DNAH7: variants seen among roughly 807,000 people sequenced by gnomAD.
DNAH7 encodes the protein axonemal beta dynein heavy chain 7.
DNAH7 carries 397 observed loss-of-function variants against 444.6 expected under a neutral mutation model. The observed-to-expected ratio is 0.89, with a 90% CI of 0.82 to 0.97. DNAH7 has a LOEUF of 0.97. Ranked by LOEUF, DNAH7 falls within the 50% of genes least tolerant of loss-of-function variation. The pLI, the probability that DNAH7 is intolerant of heterozygous loss-of-function variation, is 0.00. For missense variants in DNAH7, 4,902 were observed against 4,800.8 expected (o/e 1.02, Z -0.62); for synonymous variants, 1,636 against 1,624.4 (o/e 1.01, Z -0.17).
intron 17 of DNAH7, among the ~76,000 whole-genome samples, chr2:195,968,352 CCCTTCAAGG>C (rs1304785235): frequency 6.6e-6 from 1 of 152,032 alleles, no homozygotes; most frequent in African/African-American, 2.4e-5. Flanking sequence ...TTGTGTCCTT[CCCTTCAAGG>C]CCTTCAAGGC....
At chr2:195,918,466 G>A (rs1687821375) in intron 24 of DNAH7, among the ~76,000 whole-genome samples, 1 of 152,178 alleles carries the variant, frequency 6.6e-6, no homozygotes, top group East Asian at 1.9e-4. Flanking sequence ...CCAAAAACCT[G>A]CACAAGAATA....
At chr2:196,010,375 G>A (rs532218429) in intron 10 of DNAH7, among the ~76,000 whole-genome samples, 2 of 152,014 alleles carry the variant, frequency 1.3e-5, no homozygotes, top group Non-Finnish European at 2.9e-5. Flanking sequence ...TCAAACTCCT[G>A]ACCTCAAGTG....
Position 195,858,728 on chromosome 2 carries a change from T to C in DNAH7, c.7813A>G (p.Met2605Val), listed in dbSNP as rs750917202. The C allele has an allele frequency of 6.8e-6, 11 of 1,614,016 alleles. No homozygotes were observed. The highest frequency in any genetic ancestry group is 2.2e-5 in the South Asian group (2 of 91,068). The stretch of plus-strand genomic sequence containing the variant: ...TGTAGTGCCTCCAACTCCATCTGCA[T>C]TGTGGCTACTTGAGATGAAGCAGAA... ...LDSASSQVAT[M>V]QMELEALHPQ... The change falls in exon 43 of 65, where the codon ATG (methionine) becomes GTG (valine). Residue 2605 changes from methionine (M) to valine (V), a missense_variant. By Grantham distance (21) the Met-to-Val change is conservative. Transcript: ENST00000312428.
chr2:195,821,386 G>A (rs574740212), intron 49 of DNAH7, among the ~76,000 whole-genome samples: 40 of 152,132 alleles, frequency 2.6e-4, no homozygotes, highest in Non-Finnish European at 5.0e-4. Flanking sequence ...TTCCTGGTGG[G>A]CAGGTCTTTG....
chr2:196,054,766 T>G (rs1452567220), intron 2 of DNAH7, among the ~76,000 whole-genome samples: 1 of 152,122 alleles, frequency 6.6e-6, no homozygotes, highest in Non-Finnish European at 1.5e-5. Flanking sequence ...ATGCTAGTCT[T>G]GTGATAGTGA....
chr2:196,011,250 T>C (rs751819091), intron 10 of DNAH7, among the ~76,000 whole-genome samples: 21 of 152,132 alleles, frequency 1.4e-4, no homozygotes, highest in Non-Finnish European at 2.6e-4. Flanking sequence ...TATGAATGCA[T>C]CAAAATATTC....
At chr2:195,906,410 A>AAC (rs150739355) in intron 27 of DNAH7, among the ~76,000 whole-genome samples, 2,324 of 139,824 alleles carry the variant, frequency 0.017, 23 homozygotes, top group Non-Finnish European at 0.021. Flanking sequence ...TACACACAGA[A>AAC]ACACACACAC....
In DNAH7 at chr2:195,875,840, C is replaced by A; in HGVS notation, c.6121G>T (p.Val2041Phe). The change falls in exon 38 of 65, where the codon GTC becomes TTC. Residue 2041 changes from valine to phenylalanine, a missense_variant. Val to Phe is a conservative substitution (Grantham distance 50). Coordinates refer to ENST00000312428, the MANE Select transcript of DNAH7 (RefSeq NM_018897.3). ...FGPPLGKRMV[V>F]FVDDVNMPAR... ...GGCATATTGACATCATCTACAAAGA[C>A]AACCTGAGAATGAGAAGAGAAGAGG... is the stretch of plus-strand genomic sequence containing the variant. 2 of 1,599,442 alleles carry A rather than the reference C, an allele frequency of 1.3e-6. No homozygotes were observed. Among genetic ancestry groups the A allele is most frequent in the East Asian group, 4.5e-5 (2 of 44,810 alleles).
In DNAH7 at chr2:195,957,671, T is replaced by C. The variant is rs933523857; in HGVS notation, c.2892-224A>G. ...TATACATTATATACAATCTTGTATA[T>C]AATGTATATAATATTCCAATTTCCA... On this transcript the variant is annotated intron_variant, in intron 18 of 64. Transcript: ENST00000312428. Among the ~76,000 whole-genome samples, 4 of 151,948 alleles carry C rather than the reference T, an allele frequency of 2.6e-5. No homozygotes were observed. The East Asian group carries it at 7.7e-4, about 29-fold the overall frequency.
At chr2:195,746,174 CA>C (rs1332449559) in intron 63 of DNAH7, among the ~76,000 whole-genome samples, 1 of 151,224 alleles carries the variant, frequency 6.6e-6, no homozygotes. Context: ...AAATGGAAAA[CA>C]AAAAAAGGCA....
chr2:195,907,030 A>C, intron 25 of DNAH7, 21 bp from the exon 26 acceptor site: 1 of 1,591,072 alleles, frequency 6.3e-7, no homozygotes, highest in Non-Finnish European at 8.6e-7. Flanking sequence ...AGAGTAATGA[A>C]AATTTTTGAC....
At chr2:196,031,963 A>C (rs1232673234) in intron 5 of DNAH7, among the ~76,000 whole-genome samples, 6 of 152,176 alleles carry the variant, frequency 3.9e-5, no homozygotes, top group Admixed American at 3.3e-4. Flanking sequence ...ACACCCCACT[A>C]TACTGGTACC....
At position 195,747,785 on chromosome 2, in the gene DNAH7, AC is replaced by A. The variant is rs575143152; in HGVS notation, c.11764+6551del. 3.5e-3 allele frequency among the ~76,000 whole-genome samples: 537 copies of A among 152,190 alleles called. 1 individual carries two copies. Among genetic ancestry groups the A allele is most frequent in the Non-Finnish European group, 5.7e-3 (389 of 67,980 alleles). ...AAAAGGCCTTTGACAAAATTCAACAACCCTTCATGCTAAAAACTCTCAATAA... is the reference window on the plus strand; with the variant it reads ...AAAAGGCCTTTGACAAAATTCAACAACCTTCATGCTAAAAACTCTCAATAA... On this transcript the variant is annotated intron_variant, in intron 63 of 64. Coordinates refer to ENST00000312428, the MANE Select transcript of DNAH7 (RefSeq NM_018897.3).
At chr2:196,050,966 G>A (rs551719269) in intron 3 of DNAH7, among the ~76,000 whole-genome samples, 5 of 152,160 alleles carry the variant, frequency 3.3e-5, no homozygotes, top group African/African-American at 4.8e-5. Context: ...TTGGCAAGTC[G>A]TTCATTCAGA....
chr2:195,900,378 C>T lies in DNAH7; in HGVS notation c.4452G>A (p.Thr1484=), dbSNP rs564616488. The T allele has an allele frequency of 1.4e-5, 22 of 1,613,980 alleles. No individual in the cohort carries two copies. The Admixed American group carries it at 2.3e-4, about 17-fold the overall frequency. ...ACAGCTGCTCTGAACACAAGCGATA[C>T]GTAGCCACAATTTTTACAGACAGTG... ...ARPLSVKIVA[T]YRLCSEQLSS... Residue 1484 remains threonine (T), a synonymous_variant, in exon 28 of 65, where the codon ACG becomes ACA. Coordinates refer to ENST00000312428, the MANE Select transcript of DNAH7 (RefSeq NM_018897.3).
At position 195,831,770 on chromosome 2, in the gene DNAH7, C is replaced by T. The variant is rs1194093416; in HGVS notation, c.9100+2436G>A. Among the ~76,000 whole-genome samples, 5 of 152,202 alleles carry T rather than the reference C, an allele frequency of 3.3e-5. No homozygotes were observed. The East Asian group carries it at 9.6e-4, about 29-fold the overall frequency. On this transcript the variant is annotated intron_variant, in intron 48 of 64. Transcript: ENST00000312428. ...AGACAGAAGACTTAGGGACTAGTTT[C>T]AGCACTCCTCTTAACTGGCTTAATT...
Position 195,811,797 on chromosome 2 carries a change from A to C in DNAH7, c.9762-1926T>G, listed in dbSNP as rs1320505377. On this transcript the variant is annotated intron_variant, in intron 51 of 64. Coordinates refer to ENST00000312428, the MANE Select transcript of DNAH7 (RefSeq NM_018897.3). ...GAAAGAAAAAAAAAACTGTGTGCGT[A>C]ATTATCAAATTGCCTTTGCAAAATT... Among the ~76,000 whole-genome samples, 3 of 152,254 alleles carry C rather than the reference A, an allele frequency of 2.0e-5. No individual in the cohort carries two copies. The East Asian group carries it at 5.8e-4, about 29-fold the overall frequency.
At chr2:195,936,405 C>T (rs933014311) in intron 20 of DNAH7, among the ~76,000 whole-genome samples, 194 bp downstream of exon 20, 8 of 151,818 alleles carry the variant, frequency 5.3e-5, no homozygotes, top group Non-Finnish European at 1.2e-4. Flanking sequence ...AAAAAGAAAA[C>T]GATTCCACGG....
intron 7 of DNAH7, among the ~76,000 whole-genome samples, chr2:196,025,810 T>C (rs1695649535): frequency 6.6e-6 from 1 of 152,164 alleles, no homozygotes; most frequent in Non-Finnish European, 1.5e-5. Context: ...AAGTCATAAA[T>C]ACAATGAATG....
Sources: allele counts gnomAD v4.1 joint callset (sites outside exome capture counted in the v4.1 genomes callset), GRCh38; gene constraint gnomAD v4.1.1; transcripts MANE v1.5; gene names NCBI Gene and HGNC (gene_info 2026-07-23, HGNC 2026-07-21).